Variants in MAP4K3 observed in about 807,000 individuals in gnomAD.
MAP4K3 encodes the protein MAPK/ERK kinase kinase kinase 3.
A neutral mutation model predicts 143.5 loss-of-function variants in MAP4K3; 94 were observed. The observed-to-expected ratio is 0.65, with a 90% CI of 0.55 to 0.78. The LOEUF is 0.78. MAP4K3 is among the 30% of genes least tolerant of loss of function. The probability of loss-of-function intolerance (pLI) is 0.00; values close to 1 mark genes in which losing one functional copy is unlikely to be tolerated. For missense variants in MAP4K3, 1,077 were observed against 1,068.1 expected, an observed-to-expected ratio of 1.01 and a Z score of -0.12; for synonymous variants, 416 against 347.2, an observed-to-expected ratio of 1.20 and a Z score of -2.20.
chr2:39,300,067 T>C (rs776683426), intron 15 of MAP4K3, among the ~76,000 whole-genome samples: 1 of 152,138 alleles, frequency 6.6e-6, no homozygotes, highest in Non-Finnish European at 1.5e-5. Context: ...TTAACTTTTG[T>C]AAAAATCAGT....
intron 4 of MAP4K3, among the ~76,000 whole-genome samples, chr2:39,337,931 T>C (rs868701855): frequency 3.9e-5 from 6 of 151,922 alleles, no homozygotes; most frequent in Admixed American, 2.0e-4. Flanking sequence ...GGCTAGTTTA[T>C]TTTTCATTTT....
chr2:39,310,675 G>A (rs1245464577), intron 13 of MAP4K3, among the ~76,000 whole-genome samples: 3 of 152,100 alleles, frequency 2.0e-5, no homozygotes, highest in Non-Finnish European at 4.4e-5. Context: ...GTTTACCATA[G>A]TGGCTGTACT....
At chr2:39,354,825 T>C (rs923649272) in intron 3 of MAP4K3, among the ~76,000 whole-genome samples, 3 of 152,192 alleles carry the variant, frequency 2.0e-5, no homozygotes, top group African/African-American at 7.2e-5. Flanking sequence ...GTCTTTTCTG[T>C]TGTGCCCAAA....
chr2:39,279,891 T>A (rs1386601814), intron 23 of MAP4K3, among the ~76,000 whole-genome samples: 1 of 152,134 alleles, frequency 6.6e-6, no homozygotes, highest in Non-Finnish European at 1.5e-5. Flanking sequence ...AGTTTGAGGT[T>A]ATAGTGAGCC....
intron 15 of MAP4K3, among the ~76,000 whole-genome samples, chr2:39,304,150 T>A (rs1013628327): frequency 4.2e-5 from 1 of 23,678 alleles, no homozygotes; most frequent in African/African-American, 5.1e-5. Flanking sequence ...ATTATCTGAT[T>A]TTTTTTTTTT....
intron 1 of MAP4K3, among the ~76,000 whole-genome samples, chr2:39,428,510 T>C (rs940540475): frequency 6.6e-6 from 1 of 151,698 alleles, no homozygotes; most frequent in Non-Finnish European, 1.5e-5. Flanking sequence ...CCATCTCTAC[T>C]AAAATAATAC....
intron 1 of MAP4K3, among the ~76,000 whole-genome samples, chr2:39,424,226 G>A (rs917541594): frequency 2.6e-5 from 4 of 152,300 alleles, no homozygotes; most frequent in South Asian, 2.1e-4. Context: ...TTACAGGCGT[G>A]AGCCATCGCG....
chr2:39,260,998 G>A, intron 28 of MAP4K3: 1 of 410,072 alleles, frequency 2.4e-6, no homozygotes, highest in Non-Finnish European at 4.3e-6. Flanking sequence ...GGACATTAAG[G>A]CTGGAAGGGA....
rs192865341 is a variant in MAP4K3 at position 39,295,952 on chromosome 2, C to T, written c.1179-2684G>A. Among the ~76,000 whole-genome samples the T allele has an allele frequency of 2.6e-5, 4 of 152,242 alleles. No individual in the cohort carries two copies. The East Asian group carries it at 7.7e-4, about 29-fold the overall frequency. On this transcript the variant is annotated intron_variant, in intron 16 of 33. Coordinates refer to ENST00000263881, the MANE Select transcript of MAP4K3 (RefSeq NM_003618.4). ...CAGGCTGGTCTTGAACTCCCGGCCTCAAGTGATCCACCCGCCTTGGCTTCC... is the reference window on the plus strand; with the variant it reads ...CAGGCTGGTCTTGAACTCCCGGCCTTAAGTGATCCACCCGCCTTGGCTTCC...
intron 4 of MAP4K3, among the ~76,000 whole-genome samples, chr2:39,338,112 G>A (rs1665028683): frequency 6.6e-6 from 1 of 152,058 alleles, no homozygotes; most frequent in Non-Finnish European, 1.5e-5. Context: ...TATCTCCAGT[G>A]TGCAGAACAG....
chr2:39,272,411 A>G lies in MAP4K3; in HGVS notation c.1856-11T>C. ...GCTGAGAAGCTTTACCTATAAAGAA[A>G]AACAGATATGACATAAAAGCTAATA... On this transcript the variant is annotated splice_polypyrimidine_tract_variant and intron_variant, in intron 25 of 33. Transcript: ENST00000263881. The G allele has an allele frequency of 6.2e-7, 1 of 1,606,896 alleles. No homozygotes were observed. The highest frequency in any genetic ancestry group is 8.5e-7 in the Non-Finnish European group (1 of 1,173,900).
At chr2:39,424,428 T>C (rs1664998333) in intron 1 of MAP4K3, among the ~76,000 whole-genome samples, 3 of 151,868 alleles carry the variant, frequency 2.0e-5, no homozygotes. Flanking sequence ...TGAGTACAGG[T>C]GAACAGTCGT....
chr2:39,326,421 A>G (rs1454887836), intron 8 of MAP4K3, 144 bp from the exon 9 acceptor site: 2 of 745,844 alleles, frequency 2.7e-6, no homozygotes, highest in Non-Finnish European at 4.3e-6. Context: ...CAGTACTTAA[A>G]AGGTCCACCT....
chr2:39,379,679 A>G (rs954354396), intron 1 of MAP4K3: 2 of 166,130 alleles, frequency 1.2e-5, no homozygotes. Flanking sequence ...CTCTGGTAGG[A>G]TTCTCCTTTA....
chr2:39,402,867 T>C (rs896595420), intron 1 of MAP4K3, among the ~76,000 whole-genome samples: 9 of 150,316 alleles, frequency 6.0e-5, no homozygotes, highest in African/African-American at 2.2e-4. Context: ...AGTAGAGACA[T>C]GACATCACTA....
chr2:39,339,008 G>C (rs1457811630), intron 4 of MAP4K3, among the ~76,000 whole-genome samples: 1 of 152,148 alleles, frequency 6.6e-6, no homozygotes, highest in East Asian at 1.9e-4. Flanking sequence ...CACTAAAATA[G>C]TTTTCTTTTT....
chr2:39,393,437 TC>T (rs1666721476), intron 1 of MAP4K3, among the ~76,000 whole-genome samples: 1 of 152,190 alleles, frequency 6.6e-6, no homozygotes, highest in Admixed American at 6.5e-5. Flanking sequence ...TTAGAACCTA[TC>T]CATTTCAGAA....
chr2:39,422,513 T>C (rs11124681), intron 1 of MAP4K3, among the ~76,000 whole-genome samples: 144,848 of 152,188 alleles, frequency 0.95, 69,346 homozygotes, highest in Non-Finnish European at 1. Flanking sequence ...CCTCCAGAAC[T>C]GAGAAAATAA....
chr2:39,272,959 A>T (rs904527077), intron 24 of MAP4K3, among the ~76,000 whole-genome samples: 1 of 152,152 alleles, frequency 6.6e-6, no homozygotes, highest in South Asian at 2.1e-4. Flanking sequence ...ATACAGGAAA[A>T]AGCATCATGG....
Sources: allele counts gnomAD v4.1 joint callset (sites outside exome capture counted in the v4.1 genomes callset), GRCh38; gene constraint gnomAD v4.1.1; transcripts MANE v1.5; gene names NCBI Gene and HGNC (gene_info 2026-07-23, HGNC 2026-07-21).